The following ZNF407 variants were observed in gnomAD, a reference collection of about 807,000 sequenced individuals.
ZNF407 encodes zinc finger protein 407.
ZNF407 carries 17 observed loss-of-function variants against 131.2 expected under a neutral mutation model. The observed-to-expected ratio is 0.13, with a 90% CI of 0.09 to 0.19. The LOEUF (loss-of-function observed/expected upper bound fraction) is 0.19, where lower values mean the gene tolerates loss of function less well. ZNF407 is among the 10% of genes least tolerant of loss of function. The pLI, the probability that ZNF407 is intolerant of heterozygous loss-of-function variation, is 1.00. For missense variants in ZNF407, 2,681 were observed against 2,830.6 expected, an observed-to-expected ratio of 0.95 and a Z score of 1.20; for synonymous variants, 1,156 against 1,062.0, an observed-to-expected ratio of 1.09 and a Z score of -1.72.
intron 8 of ZNF407, among the ~76,000 whole-genome samples, chr18:74,921,929 A>G (rs1349789849): frequency 6.6e-6 from 1 of 152,226 alleles, no homozygotes; most frequent in East Asian, 1.9e-4. Context: ...AGTTTTCTTA[A>G]TACACTTGAC....
At chr18:74,726,606 A>G (rs1376899408) in intron 3 of ZNF407, among the ~76,000 whole-genome samples, 4 of 152,198 alleles carry the variant, frequency 2.6e-5, no homozygotes, top group Admixed American at 1.3e-4. Flanking sequence ...TTTGCTACCA[A>G]TGATTGTTTT....
At chr18:74,762,975 T>C (rs1031420902) in intron 3 of ZNF407, among the ~76,000 whole-genome samples, 3 of 152,016 alleles carry the variant, frequency 2.0e-5, no homozygotes, top group Admixed American at 1.3e-4. Flanking sequence ...TCTAAAGTGA[T>C]TGGATTTTAG....
At chr18:74,831,558 C>A (rs2145118228) in intron 4 of ZNF407, among the ~76,000 whole-genome samples, 1 of 152,312 alleles carries the variant, frequency 6.6e-6, no homozygotes, top group South Asian at 2.1e-4. Flanking sequence ...GCATAATATC[C>A]TCAAGGTTAA....
chr18:74,818,287 C>A (rs1311233177), intron 4 of ZNF407, among the ~76,000 whole-genome samples: 5 of 152,176 alleles, frequency 3.3e-5, no homozygotes, highest in Admixed American at 3.3e-4. Flanking sequence ...CCTGTGACTG[C>A]TTGTCCATGG....
intron 8 of ZNF407, among the ~76,000 whole-genome samples, chr18:75,057,797 A>G (rs1364807763): frequency 6.6e-6 from 1 of 152,196 alleles, no homozygotes; most frequent in Non-Finnish European, 1.5e-5. Flanking sequence ...TATGGATGTC[A>G]TTACAGGGGA....
chr18:75,052,441 A>T (rs1973512355), intron 8 of ZNF407, among the ~76,000 whole-genome samples: 2 of 152,166 alleles, frequency 1.3e-5, no homozygotes, highest in South Asian at 4.1e-4. Flanking sequence ...TCCATGAAGG[A>T]GCTCAGGGAG....
intron 8 of ZNF407, among the ~76,000 whole-genome samples, chr18:75,022,003 A>C (rs1973116558): frequency 6.6e-6 from 1 of 152,054 alleles, no homozygotes; most frequent in African/African-American, 2.4e-5. Context: ...AAAACACTAC[A>C]AACTCAATAA....
intron 7 of ZNF407, among the ~76,000 whole-genome samples, chr18:74,916,337 C>T (rs1378505554): frequency 1.2e-3 from 60 of 50,178 alleles, no homozygotes; most frequent in Middle Eastern, 0.019. Flanking sequence ...TGGTTCGAAT[C>T]GGGAGTGTGT....
intron 3 of ZNF407, among the ~76,000 whole-genome samples, chr18:74,740,312 T>G (rs1450763432): frequency 6.6e-6 from 1 of 152,238 alleles, no homozygotes; most frequent in Admixed American, 6.5e-5. Flanking sequence ...TGACTGCATT[T>G]ATTTTAGAGC....
Position 74,920,936 on chromosome 18 carries a change from G to T in ZNF407, c.5428+244G>T, listed in dbSNP as rs1971839079. 6.0e-6 allele frequency: 7 copies of T among 1,175,744 alleles called. No homozygotes were observed. In the South Asian group the frequency reaches 2.1e-4, roughly 36 times the overall value. The allele number at this position is 1,175,744 out of a possible 1,614,324, so 72.8% of individuals were successfully genotyped here. On this transcript the variant is annotated intron_variant, in intron 8 of 8. Coordinates refer to ENST00000299687, the MANE Select transcript of ZNF407 (RefSeq NM_017757.3). ...AGAGTAATTATTTGATGACTGTAAA[G>T]TTAATAATAGTAAATATTTAAAGCA... is the stretch of plus-strand genomic sequence containing the variant.
intron 1 of ZNF407, among the ~76,000 whole-genome samples, chr18:74,602,124 C>T (rs565547808): frequency 3.3e-5 from 5 of 152,152 alleles, no homozygotes; most frequent in Admixed American, 6.5e-5. Context: ...ATTGTACTAA[C>T]TCCCTGCTTA....
chr18:74,951,421 G>T (rs1972212907), intron 8 of ZNF407, among the ~76,000 whole-genome samples: 1 of 152,168 alleles, frequency 6.6e-6, no homozygotes, highest in Non-Finnish European at 1.5e-5. Context: ...GTTTTGCACA[G>T]AGATCTTGTA....
intron 8 of ZNF407, among the ~76,000 whole-genome samples, chr18:74,963,158 T>G (rs1972368026): frequency 2.3e-5 from 3 of 128,870 alleles, no homozygotes. Context: ...ATTCCTTTTT[T>G]TTTTTTTTTT....
In ZNF407 at chr18:75,020,176, C is replaced by T. The variant is rs148273760; in HGVS notation, c.5429-42974C>T. On this transcript the variant is annotated intron_variant, in intron 8 of 8. Transcript: ENST00000299687. ...GTTCTATTTTATTAGTTATTGCTAA[C>T]CTCCTCATGTGCGTAATTTATAAAT... Among the ~76,000 whole-genome samples the T allele has an allele frequency of 6.2e-3, 939 of 152,188 alleles. 3 individuals are homozygous for T. The highest frequency in any genetic ancestry group is 0.011 in the Non-Finnish European group (752 of 68,002).
intron 4 of ZNF407, among the ~76,000 whole-genome samples, chr18:74,835,563 TAAA>T (rs899648749): frequency 1.3e-5 from 2 of 151,730 alleles, no homozygotes; most frequent in African/African-American, 2.4e-5. Flanking sequence ...TTGTTAGAGA[TAAA>T]GAAGTAAACT....
intron 8 of ZNF407, among the ~76,000 whole-genome samples, chr18:74,995,490 C>A (rs1324326825): frequency 2.6e-5 from 4 of 152,190 alleles, no homozygotes. Flanking sequence ...TAACACTGAT[C>A]CTCACAGAAA....
chr18:74,657,901 T>TTTCTTC (rs58407278), intron 3 of ZNF407, among the ~76,000 whole-genome samples: 5,824 of 147,746 alleles, frequency 0.039, 125 homozygotes, highest in South Asian at 0.051. Context: ...CTCCTTTTCC[T>TTTCTTC]TTCTTCTTCT....
At chr18:74,995,832 A>G (rs1366425209) in intron 8 of ZNF407, among the ~76,000 whole-genome samples, 1 of 152,186 alleles carries the variant, frequency 6.6e-6, no homozygotes, top group Non-Finnish European at 1.5e-5. Flanking sequence ...GTGTTAGATC[A>G]GGGAAATCTA....
intron 3 of ZNF407, among the ~76,000 whole-genome samples, chr18:74,672,472 T>TGGAGCACTGTTTGTTCATC (rs1986183245): frequency 6.6e-6 from 1 of 151,350 alleles, no homozygotes; most frequent in African/African-American, 2.4e-5. Flanking sequence ...GTTTGTTCAT[T>TGGAGCACTGTTTGTTCATC]GGAGCACCGT....
Sources: allele counts gnomAD v4.1 joint callset (sites outside exome capture counted in the v4.1 genomes callset), GRCh38; gene constraint gnomAD v4.1.1; transcripts MANE v1.5; gene names NCBI Gene and HGNC (gene_info 2026-07-23, HGNC 2026-07-21).